GTF2A2: variants seen among roughly 807,000 people sequenced by gnomAD.
GTF2A2 encodes general transcription factor IIA subunit 2.
In GTF2A2, 9 loss-of-function variants were observed where a neutral mutation model predicts 14.3. The ratio of observed to expected loss-of-function variants is 0.63; its 90% CI spans 0.38 to 1.10. GTF2A2 has a LOEUF of 1.10. Ranked by LOEUF, GTF2A2 falls within the 50% of genes least tolerant of loss-of-function variation. The pLI is 0.01. For synonymous variants in GTF2A2, 56 were observed against 46.0 expected, an observed-to-expected ratio of 1.22 and a Z score of -0.88; for missense variants, 90 against 124.6, an observed-to-expected ratio of 0.72 and a Z score of 1.32.
chr15:59,643,108 C>A (rs1269386575), intron 3 of GTF2A2, among the ~76,000 whole-genome samples: 4 of 112,748 alleles, frequency 3.5e-5, no homozygotes, highest in South Asian at 6.2e-4. Flanking sequence ...GAGACAGAGT[C>A]TCACTCTGTT....
chr15:59,644,083 C>G (rs971034923), intron 3 of GTF2A2, among the ~76,000 whole-genome samples: 10 of 147,818 alleles, frequency 6.8e-5, no homozygotes, highest in African/African-American at 2.5e-4. Flanking sequence ...TTAGTAGAGG[C>G]GGGGTTTTGC....
chr15:59,645,029 T>C (rs941919385), intron 3 of GTF2A2, among the ~76,000 whole-genome samples: 1 of 152,116 alleles, frequency 6.6e-6, no homozygotes. Flanking sequence ...ACAGTAATAG[T>C]ATAGTAAAGG....
chr15:59,655,249 C>T (rs1891908574), intron 1 of GTF2A2, among the ~76,000 whole-genome samples: 1 of 152,228 alleles, frequency 6.6e-6, no homozygotes, highest in African/African-American at 2.4e-5. Flanking sequence ...CCCAAATCCC[C>T]TGCCAGCTAC....
chr15:59,651,061 A>G (rs1285541800), intron 2 of GTF2A2: 3 of 237,228 alleles, frequency 1.3e-5, no homozygotes, highest in African/African-American at 6.7e-5. Context: ...GAGAAGATAG[A>G]CAAAGAGGTG....
chr15:59,643,278 C>T (rs1891493033), intron 3 of GTF2A2, among the ~76,000 whole-genome samples: 1 of 151,684 alleles, frequency 6.6e-6, no homozygotes, highest in South Asian at 2.1e-4. Context: ...CAGGGTTTCA[C>T]CACGTTAGCC....
At chr15:59,656,262 T>TA (rs1891939576) in intron 1 of GTF2A2, among the ~76,000 whole-genome samples, 1 of 151,962 alleles carries the variant, frequency 6.6e-6, no homozygotes, top group African/African-American at 2.4e-5. Context: ...GGCTTTCCTA[T>TA]CTGCCTGAAT....
intron 4 of GTF2A2, 70 bp downstream of exon 4, chr15:59,642,066 T>G: frequency 1.4e-6 from 2 of 1,400,180 alleles, no homozygotes; most frequent in Non-Finnish European, 9.7e-7. Context: ...TTCATATGGA[T>G]GCAGATCTTC....
At chr15:59,645,058 G>A (rs1474616410) in intron 3 of GTF2A2, among the ~76,000 whole-genome samples, 1 of 152,122 alleles carries the variant, frequency 6.6e-6, no homozygotes, top group Non-Finnish European at 1.5e-5. Context: ...GAAATGGAGA[G>A]ACTTTTAAAG....
Position 59,639,042 on chromosome 15 carries a change from AT to A in GTF2A2, c.*89del. On this transcript the variant is annotated 3_prime_UTR_variant, in exon 5 of 5. Coordinates refer to ENST00000396060, the MANE Select transcript of GTF2A2 (RefSeq NM_004492.3). ...ATAGCACAGTGTAGTCATTTCTGCA[AT>A]TCTAGAATAAATAAAAAGTCTCTTC... 1 of 800,160 alleles carries A rather than the reference AT, an allele frequency of 1.2e-6. No homozygotes were observed. Among genetic ancestry groups the A allele is most frequent in the South Asian group, 1.4e-5 (1 of 71,338 alleles). The allele number at this position is 800,160 out of a possible 1,614,324, so 49.6% of individuals were successfully genotyped here.
intron 4 of GTF2A2, among the ~76,000 whole-genome samples, chr15:59,640,454 A>T (rs909958529): frequency 6.6e-6 from 1 of 152,264 alleles, no homozygotes; most frequent in Non-Finnish European, 1.5e-5. Context: ...CTACTAGTCT[A>T]CATCTGTTCT....
At position 59,649,455 on chromosome 15, in the gene GTF2A2, C is replaced by A. The variant is rs188571418; in HGVS notation, c.177+1214G>T. On this transcript the variant is annotated intron_variant, in intron 3 of 4. Transcript: ENST00000396060. ...TAGTTAGGCCTTGTGAACTATCTTGCCTCTGATAAGTAGTCCACCAAATTT... is the reference window on the plus strand; with the variant it reads ...TAGTTAGGCCTTGTGAACTATCTTGACTCTGATAAGTAGTCCACCAAATTT... 6.6e-5 allele frequency among the ~76,000 whole-genome samples: 10 copies of A among 152,206 alleles called. No individual in the cohort carries two copies. In the East Asian group the frequency reaches 1.2e-3, roughly 18 times the overall value.
At chr15:59,653,776 A>G (rs1325441721) in intron 1 of GTF2A2, among the ~76,000 whole-genome samples, 7 of 152,118 alleles carry the variant, frequency 4.6e-5, no homozygotes, top group Non-Finnish European at 8.8e-5. Context: ...CTCAAATTCA[A>G]TTTGTCAAAA....
At position 59,638,494 on chromosome 15, in the gene GTF2A2, T is replaced by C. The variant is rs1036857675; in HGVS notation, c.*638A>G. The C allele has an allele frequency of 6.6e-6, 1 of 152,212 alleles. No individual in the cohort carries two copies. The highest frequency in any genetic ancestry group is 2.4e-5 in the African/African-American group (1 of 41,340). The allele number at this position is 152,212 out of a possible 1,614,324, so 9.4% of individuals were successfully genotyped here. A position where few individuals can be genotyped will look rare whatever the true frequency, so the allele number is the denominator to read the frequency against. On this transcript the variant is annotated 3_prime_UTR_variant, in exon 5 of 5. Coordinates refer to ENST00000396060, the MANE Select transcript of GTF2A2 (RefSeq NM_004492.3). ...TATGGCAAGCTGAAGACACCTGTCA[T>C]GTGGGGGGACTATTTTGTTTGGGTT...
Position 59,638,914 on chromosome 15 carries a change from A to G in GTF2A2, c.*218T>C. 2.1e-6 allele frequency: 1 copy of G among 466,290 alleles called. No individual in the cohort carries two copies. Among genetic ancestry groups the G allele is most frequent in the Admixed American group, 3.9e-5 (1 of 25,420 alleles). The allele number at this position is 466,290 out of a possible 1,614,324, so 28.9% of individuals were successfully genotyped here. ...TAAAGAAGGTTCTTAGGAAGGCAAC[A>G]ACTTTTGTCCTTAAAAAAAAGTTAT... On this transcript the variant is annotated 3_prime_UTR_variant, in exon 5 of 5. Transcript: ENST00000396060.
At chr15:59,649,113 T>C (rs1442725953) in intron 3 of GTF2A2, among the ~76,000 whole-genome samples, 1 of 152,202 alleles carries the variant, frequency 6.6e-6, no homozygotes, top group Admixed American at 6.5e-5. Flanking sequence ...TTCTAACACA[T>C]TATCTTTTGT....
chr15:59,653,696 C>T (rs1891861364), intron 1 of GTF2A2, among the ~76,000 whole-genome samples: 1 of 152,062 alleles, frequency 6.6e-6, no homozygotes, highest in Non-Finnish European at 1.5e-5. Context: ...ATCTCCAGCC[C>T]TCAATTCTCC....
At position 59,655,208 on chromosome 15, in the gene GTF2A2, TAAAAA is replaced by T. The variant is rs1891907211; in HGVS notation, c.-50+2193_-50+2197del. Among the ~76,000 whole-genome samples the T allele has an allele frequency of 2.0e-5, 3 of 152,176 alleles. No individual in the cohort carries two copies. In the South Asian group the frequency reaches 6.2e-4, roughly 31 times the overall value. On this transcript the variant is annotated intron_variant, in intron 1 of 4. Coordinates refer to ENST00000396060, the MANE Select transcript of GTF2A2 (RefSeq NM_004492.3). The stretch of plus-strand genomic sequence containing the variant: ...ACATAGGTGGCTACTTCTCCCACCT[TAAAAA>T]GTAAAACAAAACAAAAACCCCTCAA...
chr15:59,639,812 G>A (rs1223947180), intron 4 of GTF2A2, among the ~76,000 whole-genome samples: 7 of 151,704 alleles, frequency 4.6e-5, no homozygotes, highest in African/African-American at 1.2e-4. Context: ...GTGCAGTAGC[G>A]CAATCTCAGC....
Position 59,650,710 on chromosome 15 carries a change from C to A in GTF2A2, c.136G>T (p.Ala46Ser), listed in dbSNP as rs1891764568. The A allele has an allele frequency of 5.0e-6, 8 of 1,610,784 alleles. No individual in the cohort carries two copies. The highest frequency in any genetic ancestry group is 5.9e-6 in the Non-Finnish European group (7 of 1,177,056). The change falls in exon 3 of 5, where the codon GCA (alanine) becomes TCA (serine). Residue 46 changes from alanine to serine, a missense_variant. Coordinates refer to ENST00000396060, the MANE Select transcript of GTF2A2 (RefSeq NM_004492.3). ...TTCCTGACCCTCTGAGCCAGTGCTG[C>A]ATTTATAGCCTTATCAAACTGAAGT... Reference protein sequence around the residue: ...VLLQFDKAINAALAQRVRNRV... With the variant: ...VLLQFDKAINSALAQRVRNRV...
Sources: gnomAD v4.1 joint callset for allele counts (sites outside exome capture counted in the v4.1 genomes callset) on GRCh38, gnomAD v4.1.1 for gene constraint, MANE v1.5 for transcripts, NCBI Gene and HGNC (gene_info 2026-07-23, HGNC 2026-07-21) for gene names.